The following CHST11 variants were observed in gnomAD, a reference collection of about 807,000 sequenced individuals.
CHST11 encodes carbohydrate sulfotransferase 11, also known as C4S-1.
CHST11 carries 9 observed loss-of-function variants against 30.4 expected under a neutral mutation model. That is an observed-to-expected ratio of 0.30 (90% CI 0.18 to 0.52). CHST11 has a LOEUF of 0.52. CHST11 is among the 20% of genes least tolerant of loss of function. CHST11 has a pLI of 0.97. For synonymous variants in CHST11, 152 were observed against 187.8 expected, an observed-to-expected ratio of 0.81 and a Z score of 1.56; for missense variants, 348 against 460.6, an observed-to-expected ratio of 0.76 and a Z score of 2.24.
chr12:104,730,842 A>G (rs1216343238), intron 2 of CHST11, among the ~76,000 whole-genome samples: 1 of 152,188 alleles, frequency 6.6e-6, no homozygotes, highest in Non-Finnish European at 1.5e-5. Flanking sequence ...AAGGTGCAGC[A>G]GTTTCCCAGA....
chr12:104,504,030 A>G (rs182100406), intron 1 of CHST11, among the ~76,000 whole-genome samples: 1 of 152,330 alleles, frequency 6.6e-6, no homozygotes, highest in Admixed American at 6.5e-5. Flanking sequence ...CACCCAGTCA[A>G]TGTTAGCTTT....
chr12:104,503,022 C>A (rs2037867453), intron 1 of CHST11, among the ~76,000 whole-genome samples: 1 of 152,228 alleles, frequency 6.6e-6, no homozygotes, highest in Non-Finnish European at 1.5e-5. Context: ...TGAGGCCACA[C>A]TTTGTGTAGC....
chr12:104,631,614 C>G (rs2039271184), intron 2 of CHST11, among the ~76,000 whole-genome samples: 1 of 152,122 alleles, frequency 6.6e-6, no homozygotes, highest in Non-Finnish European at 1.5e-5. Context: ...CCAGAGCTCC[C>G]CATGGGATCA....
Position 104,603,792 on chromosome 12 carries a change from G to C in CHST11, c.204+1801G>C, listed in dbSNP as rs1313071916. Among the ~76,000 whole-genome samples, 7 of 152,152 alleles carry C rather than the reference G, an allele frequency of 4.6e-5. No individual in the cohort carries two copies. In the East Asian group the frequency reaches 1.3e-3, roughly 29 times the overall value. ...CATCATTTCTTAGCTATGTGACTAT[G>C]GGGTGTTTACTTAACCTCTCTGAGA... On this transcript the variant is annotated intron_variant, in intron 2 of 2. Coordinates refer to ENST00000303694, the MANE Select transcript of CHST11 (RefSeq NM_018413.6).
chr12:104,735,818 C>T (rs759099299), intron 2 of CHST11, among the ~76,000 whole-genome samples: 3 of 152,114 alleles, frequency 2.0e-5, no homozygotes, highest in Non-Finnish European at 2.9e-5. Context: ...AGTGGGGACT[C>T]GTCATGGGTT....
intron 2 of CHST11, among the ~76,000 whole-genome samples, chr12:104,624,569 G>C (rs1028115338): frequency 1.3e-5 from 2 of 152,226 alleles, no homozygotes; most frequent in African/African-American, 4.8e-5. Flanking sequence ...AAGAATTCAT[G>C]TAAAATGAAG....
At chr12:104,605,246 G>A (rs1358086321) in intron 2 of CHST11, among the ~76,000 whole-genome samples, 1 of 151,850 alleles carries the variant, frequency 6.6e-6, no homozygotes, top group East Asian at 1.9e-4. Flanking sequence ...GGGAAAACTG[G>A]CTATAATATG....
chr12:104,471,462 C>G (rs2037508491), intron 1 of CHST11, among the ~76,000 whole-genome samples: 1 of 152,170 alleles, frequency 6.6e-6, no homozygotes, highest in South Asian at 2.1e-4. Context: ...CCTTTTATAC[C>G]ATGGCTAAAT....
intron 2 of CHST11, among the ~76,000 whole-genome samples, chr12:104,675,654 G>A (rs2039735823): frequency 6.6e-6 from 1 of 152,214 alleles, no homozygotes; most frequent in Non-Finnish European, 1.5e-5. Context: ...TCTGGAGTCA[G>A]ATTCCTGGTC....
At chr12:104,615,602 T>C (rs2039101162) in intron 2 of CHST11, among the ~76,000 whole-genome samples, 1 of 152,140 alleles carries the variant, frequency 6.6e-6, no homozygotes. Context: ...TCTTACCAGC[T>C]CTGTGCCTCA....
At chr12:104,531,268 T>G (rs1301553418) in intron 1 of CHST11, among the ~76,000 whole-genome samples, 1 of 151,794 alleles carries the variant, frequency 6.6e-6, no homozygotes, top group East Asian at 1.9e-4. Flanking sequence ...GGTGAGAGGG[T>G]CAGTGAGGCC....
At chr12:104,660,159 C>T (rs187123384) in intron 2 of CHST11, among the ~76,000 whole-genome samples, 8 of 152,288 alleles carry the variant, frequency 5.3e-5, no homozygotes, top group African/African-American at 1.9e-4. Context: ...AGCACCTAGC[C>T]CAGATCCTGG....
At chr12:104,572,253 C>A (rs1193565562) in intron 1 of CHST11, among the ~76,000 whole-genome samples, 3 of 151,700 alleles carry the variant, frequency 2.0e-5, no homozygotes, top group Middle Eastern at 3.2e-3. Context: ...AGGATTCCCT[C>A]TTTTTCTATT....
chr12:104,682,859 G>C (rs1295072800), intron 2 of CHST11, among the ~76,000 whole-genome samples: 2 of 152,186 alleles, frequency 1.3e-5, no homozygotes, highest in African/African-American at 4.8e-5. Flanking sequence ...ACTGCTCCTG[G>C]CCTTAATGAG....
At chr12:104,737,442 T>C (rs1024875539) in intron 2 of CHST11, among the ~76,000 whole-genome samples, 3 of 152,224 alleles carry the variant, frequency 2.0e-5, no homozygotes, top group African/African-American at 7.2e-5. Context: ...TTGGGGATTA[T>C]TGTGAGGATT....
intron 2 of CHST11, among the ~76,000 whole-genome samples, chr12:104,725,922 T>C (rs1275547466): frequency 2.0e-5 from 3 of 152,114 alleles, no homozygotes; most frequent in African/African-American, 7.2e-5. Flanking sequence ...ATGGATGATC[T>C]TTTCAGCTGC....
chr12:104,539,082 T>C (rs1272000101), intron 1 of CHST11, among the ~76,000 whole-genome samples: 1 of 152,174 alleles, frequency 6.6e-6, no homozygotes, highest in East Asian at 1.9e-4. Flanking sequence ...AGCTGGGCAA[T>C]AGGATTTTGA....
At chr12:104,703,914 T>C (rs981145251) in intron 2 of CHST11, among the ~76,000 whole-genome samples, 26 of 152,322 alleles carry the variant, frequency 1.7e-4, no homozygotes, top group Non-Finnish European at 3.4e-4. Flanking sequence ...TGAGTTTGCA[T>C]GTGAGGGGCA....
At chr12:104,703,219 A>G (rs1471450180) in intron 2 of CHST11, among the ~76,000 whole-genome samples, 2 of 152,218 alleles carry the variant, frequency 1.3e-5, no homozygotes, top group Non-Finnish European at 2.9e-5. Context: ...GAATGCATTC[A>G]TAATTCCTGT....
Sources: allele counts gnomAD v4.1 joint callset (sites outside exome capture counted in the v4.1 genomes callset), GRCh38; gene constraint gnomAD v4.1.1; transcripts MANE v1.5; gene names NCBI Gene and HGNC (gene_info 2026-07-23, HGNC 2026-07-21).